LYN: variants seen among roughly 807,000 people sequenced by gnomAD.
The protein encoded by LYN is LYN proto-oncogene, Src family tyrosine kinase, also known as tyrosine-protein kinase Lyn.
LYN carries 12 observed loss-of-function variants against 65.0 expected under a neutral mutation model. That is an observed-to-expected ratio of 0.18 (90% CI 0.12 to 0.30). The LOEUF (loss-of-function observed/expected upper bound fraction) is 0.30, where lower values mean the gene tolerates loss of function less well. LYN is among the 10% of genes least tolerant of loss of function. The pLI is 1.00. For missense variants in LYN, 380 were observed against 623.2 expected (o/e 0.61, Z 4.16); for synonymous variants, 222 against 221.2 (o/e 1.00, Z -0.03).
intron 10 of LYN, among the ~76,000 whole-genome samples, chr8:55,986,193 G>T (rs57379839): frequency 6.1e-5 from 9 of 146,878 alleles, no homozygotes; most frequent in African/African-American, 2.3e-4. Flanking sequence ...AATCCCCCCC[G>T]CAAAAAAAAA....
chr8:55,907,273 A>G (rs969138916), intron 1 of LYN, among the ~76,000 whole-genome samples: 1 of 152,244 alleles, frequency 6.6e-6, no homozygotes, highest in Non-Finnish European at 1.5e-5. Flanking sequence ...AGACACTGAT[A>G]TATTCAACAC....
At chr8:55,986,132 G>T (rs1285185999) in intron 10 of LYN, among the ~76,000 whole-genome samples, 1 of 151,626 alleles carries the variant, frequency 6.6e-6, no homozygotes, top group East Asian at 1.9e-4. Flanking sequence ...TCCTGCCACT[G>T]CTCTCTGTCC....
At chr8:55,949,110 C>A (rs16922463) in intron 4 of LYN, among the ~76,000 whole-genome samples, 36,150 of 152,060 alleles carry the variant, frequency 0.24, 5,239 homozygotes, top group African/African-American at 0.4. Flanking sequence ...GAGCATGGTG[C>A]TGAAGCTCAC....
intron 1 of LYN, among the ~76,000 whole-genome samples, chr8:55,887,536 T>A (rs1225756116): frequency 1.7e-5 from 2 of 120,264 alleles, no homozygotes; most frequent in African/African-American, 3.0e-5. Flanking sequence ...AATATATACA[T>A]AAATCCCATA....
chr8:55,939,462 A>AAGAGAGAGAGAG (rs111951441), intron 1 of LYN, among the ~76,000 whole-genome samples: 2,782 of 148,284 alleles, frequency 0.019, 96 homozygotes, highest in African/African-American at 0.064. Context: ...TTCCCAAGAG[A>AAGAGAGAGAGAG]AGAGAGAGAG....
intron 7 of LYN, among the ~76,000 whole-genome samples, chr8:55,952,421 A>T (rs1222329717): frequency 6.6e-6 from 1 of 152,016 alleles, no homozygotes; most frequent in Non-Finnish European, 1.5e-5. Flanking sequence ...TTAGCCAGGC[A>T]TAGTGGTGCG....
chr8:55,962,698 AC>A (rs1353958920), intron 8 of LYN, among the ~76,000 whole-genome samples: 1 of 152,128 alleles, frequency 6.6e-6, no homozygotes, highest in East Asian at 1.9e-4. Flanking sequence ...CATTTATTTC[AC>A]CATTTACTGA....
At chr8:55,940,363 T>C (rs1351623747) in intron 1 of LYN, 1 of 152,206 alleles carries the variant, frequency 6.6e-6, no homozygotes, top group Admixed American at 6.5e-5. Flanking sequence ...TGTGAGATTT[T>C]ATTTTTTTAT....
At chr8:56,006,261 G>T (rs946007617) in intron 12 of LYN, among the ~76,000 whole-genome samples, 5 of 151,670 alleles carry the variant, frequency 3.3e-5, no homozygotes, top group African/African-American at 1.2e-4. Context: ...CAAGAAATTT[G>T]TCCTGCTGCA....
At chr8:55,948,747 C>T (rs1806854702) in intron 4 of LYN, among the ~76,000 whole-genome samples, 1 of 152,198 alleles carries the variant, frequency 6.6e-6, no homozygotes, top group South Asian at 2.1e-4. Context: ...AAGCCTGATC[C>T]TGGCCCTGCC....
intron 1 of LYN, among the ~76,000 whole-genome samples, chr8:55,894,605 T>C (rs1805040345): frequency 6.6e-6 from 1 of 151,706 alleles, no homozygotes; most frequent in African/African-American, 2.4e-5. Context: ...CTATCTTGGC[T>C]CACTGCAACC....
chr8:55,902,520 T>G (rs570946194), intron 1 of LYN, among the ~76,000 whole-genome samples: 6 of 151,314 alleles, frequency 4.0e-5, no homozygotes, highest in Admixed American at 3.3e-4. Context: ...AGTTGAATTG[T>G]ACAAAGTACA....
chr8:55,925,118 C>T (rs537200594), intron 1 of LYN, among the ~76,000 whole-genome samples: 50 of 151,654 alleles, frequency 3.3e-4, no homozygotes, highest in Admixed American at 3.0e-3. Flanking sequence ...CCACCGTGCC[C>T]GGCCTCTTTT....
In LYN at chr8:56,010,099, C is replaced by T; in HGVS notation, c.1528C>T (p.Gln510Ter). 1 of 1,614,158 alleles carries T rather than the reference C, an allele frequency of 6.2e-7. No individual in the cohort carries two copies. Among genetic ancestry groups the T allele is most frequent in the Non-Finnish European group, 8.5e-7 (1 of 1,180,010 alleles). ...CACAGCCACGGAAGGGCAATACCAGCAGCAGCCTTAGAGCACAGGGAGACC... is the reference window on the plus strand; with the variant it reads ...CACAGCCACGGAAGGGCAATACCAGTAGCAGCCTTAGAGCACAGGGAGACC... ...FYTATEGQYQ[Q>*]QP The change falls in exon 13 of 13, where the codon CAG becomes TAG. Residue 510 changes from glutamine to a stop codon, truncating the protein, a stop_gained. Transcript: ENST00000519728. LOFTEE classifies it high-confidence loss of function.
chr8:55,971,382 AG>A (rs1396907167), intron 10 of LYN, among the ~76,000 whole-genome samples: 1 of 152,228 alleles, frequency 6.6e-6, no homozygotes, highest in Non-Finnish European at 1.5e-5. Context: ...CAGGAAATGG[AG>A]AAAGCAGAAG....
chr8:55,969,958 A>C (rs1807567427), intron 10 of LYN, among the ~76,000 whole-genome samples, 165 bp downstream of exon 10: 1 of 152,230 alleles, frequency 6.6e-6, no homozygotes, highest in Admixed American at 6.5e-5. Context: ...GGAGATAGTA[A>C]TAGGACATTC....
At chr8:55,986,459 A>G (rs1237408310) in intron 10 of LYN, among the ~76,000 whole-genome samples, 1 of 152,194 alleles carries the variant, frequency 6.6e-6, no homozygotes, top group African/African-American at 2.4e-5. Context: ...GTATTCATTG[A>G]CAAACTTTTC....
In LYN at chr8:56,013,937, A is replaced by G. The variant is rs1808881905; in HGVS notation, c.*3827A>G. 6.6e-6 allele frequency: 1 copy of G among 152,228 alleles called. No individual in the cohort carries two copies. Among genetic ancestry groups the G allele is most frequent in the South Asian group, 2.1e-4 (1 of 4,834 alleles). The allele number at this position is 152,228 out of a possible 1,614,324, so 9.4% of individuals were successfully genotyped here. On this transcript the variant is annotated 3_prime_UTR_variant, in exon 13 of 13. Coordinates refer to ENST00000519728, the MANE Select transcript of LYN (RefSeq NM_002350.4). ...GAAGTCTTGCTGTTCTTCCTGATGGAAATGGTAATTATAAACATACAAAGA... is the reference window on the plus strand; with the variant it reads ...GAAGTCTTGCTGTTCTTCCTGATGGGAATGGTAATTATAAACATACAAAGA...
chr8:55,929,734 A>G (rs1047533743), intron 1 of LYN, among the ~76,000 whole-genome samples: 2 of 152,224 alleles, frequency 1.3e-5, no homozygotes, highest in African/African-American at 4.8e-5. Flanking sequence ...ATCCTACAAT[A>G]CACAGAACTG....
Sources: allele counts gnomAD v4.1 joint callset (sites outside exome capture counted in the v4.1 genomes callset), GRCh38; gene constraint gnomAD v4.1.1; transcripts MANE v1.5; gene names NCBI Gene and HGNC (gene_info 2026-07-23, HGNC 2026-07-21).